Variants in OSBPL10 observed in about 807,000 individuals in gnomAD.
OSBPL10 encodes the protein oxysterol-binding protein-related protein 10.
OSBPL10 carries 49 observed loss-of-function variants against 81.7 expected under a neutral mutation model. The observed-to-expected ratio is 0.60, with a 90% CI of 0.48 to 0.76. OSBPL10 has a LOEUF of 0.76. OSBPL10 is among the 30% of genes least tolerant of loss of function. OSBPL10 has a pLI of 0.00. For missense variants in OSBPL10, 923 were observed against 987.8 expected (o/e 0.93, Z 0.88); for synonymous variants, 419 against 383.6 (o/e 1.09, Z -1.08).
chr3:31,968,130 A>G (rs1698454495), intron 1 of OSBPL10, among the ~76,000 whole-genome samples: 1 of 152,218 alleles, frequency 6.6e-6, no homozygotes, highest in South Asian at 2.1e-4. Flanking sequence ...TTCTGTAAAT[A>G]GCCAACATAA....
intron 4 of OSBPL10, among the ~76,000 whole-genome samples, chr3:31,821,214 C>T (rs909191101): frequency 3.3e-5 from 5 of 152,050 alleles, no homozygotes; most frequent in African/African-American, 1.2e-4. Flanking sequence ...GGACATATCT[C>T]GGTGTTGGGC....
chr3:31,679,783 C>A (rs1700589214), intron 8 of OSBPL10, among the ~76,000 whole-genome samples: 1 of 152,030 alleles, frequency 6.6e-6, no homozygotes, highest in South Asian at 2.1e-4. Flanking sequence ...ATAGCACGAG[C>A]CAAGCCCAAA....
At chr3:31,664,277 G>A (rs1256854551) in intron 10 of OSBPL10, 45 bp from the exon 11 acceptor site, 2 of 1,598,574 alleles carry the variant, frequency 1.3e-6, no homozygotes, top group Admixed American at 1.7e-5. Flanking sequence ...AGGCCAGCTG[G>A]CTGCAAGCTA....
At chr3:31,755,157 A>T (rs1295257456) in intron 4 of OSBPL10, among the ~76,000 whole-genome samples, 1 of 152,168 alleles carries the variant, frequency 6.6e-6, no homozygotes, top group Non-Finnish European at 1.5e-5. Context: ...TGGTGCCTCT[A>T]GTCGAAAGAA....
At chr3:31,792,830 G>A (rs1479464270) in intron 4 of OSBPL10, among the ~76,000 whole-genome samples, 1 of 147,228 alleles carries the variant, frequency 6.8e-6, no homozygotes, top group Non-Finnish European at 1.5e-5. Context: ...GTGTGGGGGT[G>A]CGTTTTGCAC....
chr3:31,886,341 G>A (rs946446696), intron 1 of OSBPL10, among the ~76,000 whole-genome samples: 1 of 152,136 alleles, frequency 6.6e-6, no homozygotes, highest in Non-Finnish European at 1.5e-5. Flanking sequence ...GCTCCTCTTA[G>A]TCCTGGTGAG....
At chr3:31,811,758 C>T (rs927967522) in intron 4 of OSBPL10, among the ~76,000 whole-genome samples, 10 of 152,036 alleles carry the variant, frequency 6.6e-5, no homozygotes, top group Non-Finnish European at 7.4e-5. Context: ...TGCCCATTCA[C>T]GTATAGGACA....
chr3:31,675,564 C>G (rs993438773), intron 8 of OSBPL10, among the ~76,000 whole-genome samples: 2 of 152,202 alleles, frequency 1.3e-5, no homozygotes, highest in Non-Finnish European at 2.9e-5. Flanking sequence ...GCATGGCACA[C>G]TGCCAAAATC....
chr3:31,905,970 C>T (rs1285260524), intron 1 of OSBPL10, among the ~76,000 whole-genome samples: 1 of 151,652 alleles, frequency 6.6e-6, no homozygotes, highest in African/African-American at 2.4e-5. Flanking sequence ...GAGCAACAGT[C>T]ACCACATTCA....
In OSBPL10 at chr3:31,670,924, C is replaced by T. The variant is rs773298205; in HGVS notation, c.1786G>A (p.Ala596Thr). The change falls in exon 9 of 12, where the codon GCC (alanine) becomes ACC (threonine). Residue 596 changes from alanine (A) to threonine (T), a missense_variant. Coordinates refer to ENST00000396556, the MANE Select transcript of OSBPL10 (RefSeq NM_017784.5). ...EYVFTLPSAY[A>T]RSILTIPWVE... ...CACGGGATGGTGAGAATGGACCGGG[C>T]GTAGGCACTAGGCAGGGTGAATACG... The T allele has an allele frequency of 6.8e-6, 11 of 1,614,116 alleles. No individual in the cohort carries two copies. Among genetic ancestry groups the T allele is most frequent in the Admixed American group, 1.7e-5 (1 of 60,026 alleles).
intron 1 of OSBPL10, among the ~76,000 whole-genome samples, chr3:31,957,576 C>T (rs1198604114): frequency 2.0e-5 from 3 of 152,266 alleles, no homozygotes; most frequent in African/African-American, 4.8e-5. Context: ...CCTTGCCATT[C>T]GTGGAGATAT....
chr3:31,730,994 G>A (rs1300228438), intron 6 of OSBPL10, among the ~76,000 whole-genome samples: 5 of 152,108 alleles, frequency 3.3e-5, no homozygotes, highest in Admixed American at 6.5e-5. Context: ...TAACCTTTAG[G>A]AATTTCACTT....
chr3:32,017,875 G>A (rs932152848), intron 2 of OSBPL10, among the ~76,000 whole-genome samples: 8 of 152,164 alleles, frequency 5.3e-5, no homozygotes, highest in African/African-American at 9.7e-5. Context: ...TCAGCCAGGC[G>A]CAGTGGCTCA....
rs188796411 is a variant in OSBPL10, at chr3:31,796,469, G to A, written c.729+33571C>T. Among the ~76,000 whole-genome samples the A allele has an allele frequency of 1.2e-4, 18 of 152,238 alleles. No homozygotes were observed. In the East Asian group the frequency reaches 3.5e-3, roughly 29 times the overall value. ...ATGCCATTTTATGTAAGGGACTTGA[G>A]CATCCATGGATTTTGGTATCTGAAG... is the stretch of plus-strand genomic sequence containing the variant. On this transcript the variant is annotated intron_variant, in intron 4 of 11. Transcript: ENST00000396556.
chr3:31,777,202 C>A (rs972704947), intron 4 of OSBPL10, among the ~76,000 whole-genome samples: 3 of 152,200 alleles, frequency 2.0e-5, no homozygotes, highest in African/African-American at 4.8e-5. Flanking sequence ...AGATGACATG[C>A]CCCTGGCTCA....
chr3:31,880,090 C>T (rs898160524), intron 1 of OSBPL10, among the ~76,000 whole-genome samples: 8 of 152,252 alleles, frequency 5.3e-5, no homozygotes, highest in African/African-American at 1.9e-4. Context: ...CATGCCCACA[C>T]TTCACCCAGT....
At chr3:31,889,657 G>C (rs1333444778) in intron 1 of OSBPL10, among the ~76,000 whole-genome samples, 1 of 152,068 alleles carries the variant, frequency 6.6e-6, no homozygotes, top group Non-Finnish European at 1.5e-5. Flanking sequence ...GGGCTGGGAA[G>C]GGTTGGGGGA....
At chr3:31,999,991 G>A (rs1433901953) in intron 2 of OSBPL10, among the ~76,000 whole-genome samples, 10 of 151,984 alleles carry the variant, frequency 6.6e-5, no homozygotes, top group African/African-American at 1.7e-4. Context: ...CTAGTGGTGC[G>A]GCCTCAGCTA....
intron 1 of OSBPL10, among the ~76,000 whole-genome samples, chr3:31,949,114 G>A (rs1697787327): frequency 6.6e-6 from 1 of 152,072 alleles, no homozygotes; most frequent in South Asian, 2.1e-4. Context: ...CAATACTAAG[G>A]GGAAGTTGGG....
Sources: allele counts gnomAD v4.1 joint callset (sites outside exome capture counted in the v4.1 genomes callset), GRCh38; gene constraint gnomAD v4.1.1; transcripts MANE v1.5; gene names NCBI Gene and HGNC (gene_info 2026-07-23, HGNC 2026-07-21).